Variants in ABHD11 observed in about 807,000 individuals in gnomAD.
ABHD11 encodes sn-1-specific diacylglycerol lipase ABHD11.
ABHD11 carries 26 observed loss-of-function variants against 29.0 expected under a neutral mutation model. The ratio of observed to expected loss-of-function variants is 0.90; its 90% CI spans 0.66 to 1.24. The LOEUF is 1.24. Ranked by LOEUF, ABHD11 falls within the 50% of genes most tolerant of loss-of-function variation. The pLI is 0.00. For synonymous variants in ABHD11, 169 were observed against 166.4 expected, an observed-to-expected ratio of 1.02 and a Z score of -0.12; for missense variants, 381 against 422.4, an observed-to-expected ratio of 0.90 and a Z score of 0.86.
At position 73,738,388 on chromosome 7, in the gene ABHD11, G is replaced by T. The variant is rs781826958; in HGVS notation, c.201C>A (p.Phe67Leu). 1.9e-6 allele frequency: 3 copies of T among 1,612,376 alleles called. No individual in the cohort carries two copies. In the East Asian group the frequency reaches 6.7e-5, roughly 36 times the overall value. ...TGGAGTTGAAGTTAGTTTTGCTGCC[G>T]AAGAGCCCGTGCAAAAAGACGACGG... ...LPAVVFLHGLFGSKTNFNSIA... is the reference protein window; with the variant it reads ...LPAVVFLHGLLGSKTNFNSIA... Residue 67 changes from phenylalanine (F) to leucine (L), a missense_variant, in exon 2 of 6, where the codon TTC becomes TTA. Coordinates refer to ENST00000222800, the MANE Select transcript of ABHD11 (RefSeq NM_148912.4).
Position 73,737,031 on chromosome 7 carries a change from G to T in ABHD11, c.686C>A (p.Ala229Asp), listed in dbSNP as rs1554622048. ...GRFVWRVNLD[A>D]LTQHLDKILA... is the part of the protein sequence containing the mutation. Reference sequence around the variant, plus strand: ...GATCTTGTCTAGGTGCTGGGTCAGGGCATCCAAGTTCACCCTCCACACGAA... The same window carrying T: ...GATCTTGTCTAGGTGCTGGGTCAGGTCATCCAAGTTCACCCTCCACACGAA... Residue 229 changes from alanine (A) to aspartate (D), a missense_variant, in exon 5 of 6, where the codon GCC (alanine) becomes GAC (aspartate). Ala to Asp is a moderately radical substitution (Grantham distance 126). Coordinates refer to ENST00000222800, the MANE Select transcript of ABHD11 (RefSeq NM_148912.4). 6.2e-7 allele frequency: 1 copy of T among 1,614,078 alleles called. No individual in the cohort carries two copies. The highest frequency in any genetic ancestry group is 8.5e-7 in the Non-Finnish European group (1 of 1,180,028).
chr7:73,736,865 AG>A (rs3215356), intron 5 of ABHD11, 63 bp downstream of exon 5: 316,133 of 1,582,686 alleles, frequency 0.2, 33,689 homozygotes, highest in Non-Finnish European at 0.23. Flanking sequence ...CTCCCCTGGT[AG>A]GGTCCCCAGG....
At position 73,738,629 on chromosome 7, in the gene ABHD11, C is replaced by T; in HGVS notation, c.125+17G>A. ...GGAGGACAGAGGATGGCCTCCCGCC[C>T]GGTGCCCTTGACTGACCTCGGCTCG... On this transcript the variant is annotated intron_variant, in intron 1 of 5. Coordinates refer to ENST00000222800, the MANE Select transcript of ABHD11 (RefSeq NM_148912.4). The T allele has an allele frequency of 1.3e-6, 2 of 1,587,544 alleles. No individual in the cohort carries two copies. Among genetic ancestry groups the T allele is most frequent in the Middle Eastern group, 2.2e-4 (1 of 4,578 alleles).
In ABHD11 at chr7:73,738,420, G is replaced by C. The variant is rs1554622830; in HGVS notation, c.169C>G (p.Leu57Val). Reference sequence around the variant, plus strand: ...CCGTGCAAAAAGACGACGGCCGGGAGGGCTGCCTCCCCGTCCAGAAGCCTG... The same window carrying C: ...CCGTGCAAAAAGACGACGGCCGGGACGGCTGCCTCCCCGTCCAGAAGCCTG... ...SYRLLDGEAA[L>V]PAVVFLHGLF... Residue 57 changes from leucine to valine, a missense_variant, in exon 2 of 6, where the codon CTC (leucine) becomes GTC (valine). Transcript: ENST00000222800. The C allele has an allele frequency of 6.2e-7, 1 of 1,611,468 alleles. No homozygotes were observed. The highest frequency in any genetic ancestry group is 2.2e-5 in the East Asian group (1 of 44,770).
rs369931991 is a variant in ABHD11 at position 73,737,248 on chromosome 7, C to T, written c.579G>A (p.Ala193=). The change falls in exon 4 of 6, where the codon GCG becomes GCA. Residue 193 remains alanine, a synonymous_variant. Transcript: ENST00000222800. ...GGATGACAGAACTGAGCTGTTCATC[C>T]GCCAGTTTTCGGGCACGGGAGCGGG... ...ELPRSRARKL[A]DEQLSSVIQD... The T allele has an allele frequency of 4.8e-5, 77 of 1,613,946 alleles. No homozygotes were observed. Among genetic ancestry groups the T allele is most frequent in the East Asian group, 4.5e-4 (20 of 44,888 alleles).
At position 73,737,282 on chromosome 7, in the gene ABHD11, T is replaced by C; in HGVS notation, c.545A>G (p.Asp182Gly). The C allele has an allele frequency of 6.2e-7, 1 of 1,614,138 alleles. No individual in the cohort carries two copies. Among genetic ancestry groups the C allele is most frequent in the Non-Finnish European group, 8.5e-7 (1 of 1,180,042 alleles). The change falls in exon 4 of 6, where the codon GAT becomes GGT. Residue 182 changes from aspartate to glycine, a missense_variant. Transcript: ENST00000222800. Reference protein sequence around the residue: ...VAAMRAINIADELPRSRARKL... With the variant: ...VAAMRAINIAGELPRSRARKL... Reference sequence around the variant, plus strand: ...TCGGGCACGGGAGCGGGGCAGCTCATCTGCGATGTTGATGGCCCTCATGGC... The same window carrying C: ...TCGGGCACGGGAGCGGGGCAGCTCACCTGCGATGTTGATGGCCCTCATGGC...
intron 1 of ABHD11, 84 bp from the exon 2 acceptor site, chr7:73,738,547 C>A: frequency 6.4e-7 from 1 of 1,565,202 alleles, no homozygotes; most frequent in Non-Finnish European, 8.7e-7. Flanking sequence ...GGGGAGAGGC[C>A]TGGGAGGTGA....
rs1274317688 is a variant in ABHD11, at chr7:73,737,369, A to G, written c.458T>C (p.Ile153Thr). Reference sequence around the variant, plus strand: ...TTCCACTGGGCTGATATCTACAGCAATGAGACGTTCCACCAGCTCTGGCTG... The same window carrying G: ...TTCCACTGGGCTGATATCTACAGCAGTGAGACGTTCCACCAGCTCTGGCTG... ...LQRPELVERL[I>T]AVDISPVEST... Residue 153 changes from isoleucine (I) to threonine (T), a missense_variant, in exon 4 of 6, where the codon ATT (isoleucine) becomes ACT (threonine). Physicochemically the swap from Ile to Thr is moderately conservative, Grantham distance 89. Coordinates refer to ENST00000222800, the MANE Select transcript of ABHD11 (RefSeq NM_148912.4). 4 of 1,613,032 alleles carry G rather than the reference A, an allele frequency of 2.5e-6. No homozygotes were observed. Among genetic ancestry groups the G allele is most frequent in the Non-Finnish European group, 3.4e-6 (4 of 1,179,490 alleles).
In ABHD11 at chr7:73,738,634, C is replaced by A; in HGVS notation, c.125+12G>T. The stretch of plus-strand genomic sequence containing the variant: ...ACAGAGGATGGCCTCCCGCCCGGTG[C>A]CCTTGACTGACCTCGGCTCGGCGCC... On this transcript the variant is annotated intron_variant, in intron 1 of 5. Coordinates refer to ENST00000222800, the MANE Select transcript of ABHD11 (RefSeq NM_148912.4). The A allele has an allele frequency of 6.3e-7, 1 of 1,589,978 alleles. No individual in the cohort carries two copies. Among genetic ancestry groups the A allele is most frequent in the Admixed American group, 1.8e-5 (1 of 56,344 alleles).
In ABHD11 at chr7:73,738,399, G is replaced by A; in HGVS notation, c.190C>T (p.His64Tyr). 5 of 1,612,898 alleles carry A rather than the reference G, an allele frequency of 3.1e-6. No individual in the cohort carries two copies. The highest frequency in any genetic ancestry group is 4.2e-6 in the Non-Finnish European group (5 of 1,179,534). Residue 64 changes from histidine to tyrosine, a missense_variant, in exon 2 of 6, where the codon CAC (histidine) becomes TAC (tyrosine). Physicochemically the swap from His to Tyr is moderately conservative, Grantham distance 83. Coordinates refer to ENST00000222800, the MANE Select transcript of ABHD11 (RefSeq NM_148912.4). ...EAALPAVVFL[H>Y]GLFGSKTNFN... Reference sequence around the variant, plus strand: ...TTAGTTTTGCTGCCGAAGAGCCCGTGCAAAAAGACGACGGCCGGGAGGGCT... The same window carrying A: ...TTAGTTTTGCTGCCGAAGAGCCCGTACAAAAAGACGACGGCCGGGAGGGCT...
intron 2 of ABHD11, chr7:73,738,072 C>T: frequency 1.3e-6 from 1 of 765,596 alleles, no homozygotes; most frequent in Non-Finnish European, 2.3e-6. Context: ...CCCGGTCATC[C>T]CTAGTGAACA....
At chr7:73,738,568 G>A in intron 1 of ABHD11, 78 bp downstream of exon 1, 2 of 1,564,448 alleles carry the variant, frequency 1.3e-6, no homozygotes, top group Non-Finnish European at 1.7e-6. Context: ...CAGGCCCAAA[G>A]GGAGGAGATG....
At chr7:73,738,282 C>CCCT in intron 2 of ABHD11, 46 bp downstream of exon 2, 21 of 1,457,230 alleles carry the variant, frequency 1.4e-5, no homozygotes, top group East Asian at 2.4e-5. Context: ...AGGCCCCGCC[C>CCCT]ACTCCCGCCC....
rs1471876057 is a variant in ABHD11, at chr7:73,738,471, G to C, written c.126-8C>G. 2.5e-6 allele frequency: 4 copies of C among 1,607,766 alleles called. No individual in the cohort carries two copies. Among genetic ancestry groups the C allele is most frequent in the Non-Finnish European group, 3.4e-6 (4 of 1,177,120 alleles). Reference sequence around the variant, plus strand: ...TAGGAAAGCGGAAGCGGCCTGGCAGGGGAAGGATCGAGGTCAGAGTCTGAG... The same window carrying C: ...TAGGAAAGCGGAAGCGGCCTGGCAGCGGAAGGATCGAGGTCAGAGTCTGAG... On this transcript the variant is annotated splice_polypyrimidine_tract_variant and splice_region_variant and intron_variant, in intron 1 of 5. Coordinates refer to ENST00000222800, the MANE Select transcript of ABHD11 (RefSeq NM_148912.4).
Position 73,737,583 on chromosome 7 carries a change from G to A in ABHD11, c.414C>T (p.Ala138=). 6.2e-7 allele frequency: 1 copy of A among 1,610,974 alleles called. No individual in the cohort carries two copies. The highest frequency in any genetic ancestry group is 8.5e-7 in the Non-Finnish European group (1 of 1,178,478). The change falls in exon 3 of 6, where the codon GCC becomes GCT. Residue 138 remains alanine (A), a synonymous_variant. Coordinates refer to ENST00000222800, the MANE Select transcript of ABHD11 (RefSeq NM_148912.4). ...TCACCCTCTGTAGTGCCAGCAGCAT[G>A]GCTGTCTTTCCTCCCATGCTGTGGC... The part of the protein sequence containing the change: ...VVGHSMGGKT[A]MLLALQRPEL...
chr7:73,738,443 C>G lies in ABHD11; in HGVS notation c.146G>C (p.Arg49Thr). Residue 49 changes from arginine to threonine, a missense_variant, in exon 2 of 6, where the codon AGG (arginine) becomes ACG (threonine). Transcript: ENST00000222800. ...AEPRPLPLSY[R>T]LLDGEAALPA... ...GAGGGCTGCCTCCCCGTCCAGAAGC[C>G]TGTAGGAAAGCGGAAGCGGCCTGGC... 1 of 1,611,254 alleles carries G rather than the reference C, an allele frequency of 6.2e-7. No homozygotes were observed. Among genetic ancestry groups the G allele is most frequent in the Non-Finnish European group, 8.5e-7 (1 of 1,178,758 alleles).
intron 5 of ABHD11, 112 bp downstream of exon 5, chr7:73,736,817 T>A: frequency 1.3e-6 from 2 of 1,572,770 alleles, no homozygotes; most frequent in Non-Finnish European, 1.7e-6. Context: ...CCGGTGGTAT[T>A]TCTGGCCTCT....
At chr7:73,737,148 G>A (rs781814593) in intron 4 of ABHD11, 38 bp from the exon 5 acceptor site, 14 of 1,613,318 alleles carry the variant, frequency 8.7e-6, no homozygotes, top group African/African-American at 1.3e-5. Context: ...TTCCTTGTGC[G>A]GTCTGGGGGT....
intron 3 of ABHD11, 60 bp from the exon 4 acceptor site, chr7:73,737,451 G>A: frequency 2.5e-6 from 4 of 1,571,496 alleles, no homozygotes; most frequent in Middle Eastern, 1.7e-4. Context: ...CTCAGGCATG[G>A]CTCCTGGAGC....
Sources: gnomAD v4.1 joint callset for allele counts on GRCh38, gnomAD v4.1.1 for gene constraint, MANE v1.5 for transcripts, NCBI Gene and HGNC (gene_info 2026-07-23, HGNC 2026-07-21) for gene names.